NLGN1: variants seen among roughly 807,000 people sequenced by gnomAD.
The protein encoded by NLGN1 is neuroligin-1.
A neutral mutation model predicts 65.5 loss-of-function variants in NLGN1; 12 were observed. The ratio of observed to expected loss-of-function variants is 0.18; its 90% CI spans 0.12 to 0.30. The LOEUF is 0.30. Ranked by LOEUF, NLGN1 falls within the 10% of genes least tolerant of loss-of-function variation. NLGN1 has a pLI of 1.00. For synonymous variants in NLGN1, 350 were observed against 359.5 expected, an observed-to-expected ratio of 0.97 and a Z score of 0.30; for missense variants, 750 against 1,007.1, an observed-to-expected ratio of 0.74 and a Z score of 3.46.
At chr3:173,451,987 C>T (rs982576107) in intron 2 of NLGN1, among the ~76,000 whole-genome samples, 9 of 152,204 alleles carry the variant, frequency 5.9e-5, no homozygotes, top group Non-Finnish European at 1.2e-4. Flanking sequence ...AAAGGGAATT[C>T]CCTGACCCCT....
At chr3:174,053,016 C>G (rs144007071) in intron 4 of NLGN1, among the ~76,000 whole-genome samples, 154 of 152,136 alleles carry the variant, frequency 1.0e-3, no homozygotes, top group Non-Finnish European at 1.7e-3. Context: ...GTTATTTGCA[C>G]TCCATTCTTA....
intron 3 of NLGN1, among the ~76,000 whole-genome samples, chr3:173,754,024 C>CTTTTTTTTTTTTTTTT (rs71162358): frequency 4.9e-5 from 6 of 121,612 alleles, no homozygotes; most frequent in African/African-American, 9.1e-5. Flanking sequence ...TCTTTCTTTT[C>CTTTTTTTTTTTTTTTT]TTTTTTTTTT....
At chr3:173,626,799 G>A (rs375707284) in intron 3 of NLGN1, among the ~76,000 whole-genome samples, 56 of 151,874 alleles carry the variant, frequency 3.7e-4, no homozygotes, top group African/African-American at 1.3e-3. Context: ...CCTTTTCTTC[G>A]GGAGATTTAA....
At chr3:174,020,737 A>T (rs1349526415) in intron 4 of NLGN1, among the ~76,000 whole-genome samples, 1 of 152,142 alleles carries the variant, frequency 6.6e-6, no homozygotes, top group Admixed American at 6.6e-5. Flanking sequence ...TTTAGTGGTG[A>T]AGAAAAATCT....
At chr3:174,177,963 C>G (rs1210200457) in intron 4 of NLGN1, among the ~76,000 whole-genome samples, 1 of 151,968 alleles carries the variant, frequency 6.6e-6, no homozygotes, top group Admixed American at 6.6e-5. Flanking sequence ...GTTCCAGGGT[C>G]GGGTGTGAGA....
intron 4 of NLGN1, among the ~76,000 whole-genome samples, chr3:174,026,865 T>A (rs1728939400): frequency 6.6e-6 from 1 of 152,206 alleles, no homozygotes. Flanking sequence ...AATTTTATTC[T>A]CTTTTTATAT....
intron 2 of NLGN1, among the ~76,000 whole-genome samples, chr3:173,583,679 C>T (rs987892348): frequency 6.6e-6 from 1 of 152,188 alleles, no homozygotes; most frequent in African/African-American, 2.4e-5. Flanking sequence ...CTTGCATTGA[C>T]TCTTTCTCTG....
chr3:173,497,969 G>A (rs1233753477), intron 2 of NLGN1, among the ~76,000 whole-genome samples: 1 of 151,522 alleles, frequency 6.6e-6, no homozygotes, highest in Admixed American at 6.6e-5. Context: ...TTTTTATAAG[G>A]TTTTAGTTAT....
At chr3:173,997,397 A>G (rs552248864) in intron 4 of NLGN1, among the ~76,000 whole-genome samples, 6 of 152,144 alleles carry the variant, frequency 3.9e-5, no homozygotes, top group Non-Finnish European at 7.4e-5. Flanking sequence ...CAAATATTTC[A>G]AAACTCATTG....
intron 2 of NLGN1, among the ~76,000 whole-genome samples, chr3:173,447,649 G>A (rs915713033): frequency 3.9e-5 from 6 of 152,122 alleles, no homozygotes; most frequent in Admixed American, 1.3e-4. Flanking sequence ...ATTACCTTGG[G>A]CAGTATGGCC....
At position 173,849,322 on chromosome 3, in the gene NLGN1, A is replaced by G. The variant is rs189328124; in HGVS notation, c.646+41490A>G. Among the ~76,000 whole-genome samples the G allele has an allele frequency of 1.3e-3, 197 of 152,172 alleles. 1 individual carries two copies. Among genetic ancestry groups the G allele is most frequent in the African/African-American group, 4.5e-3 (189 of 41,540 alleles). On this transcript the variant is annotated intron_variant, in intron 4 of 6. Coordinates refer to ENST00000457714, the Ensembl canonical transcript of NLGN1. The stretch of plus-strand genomic sequence containing the variant: ...CACCTTTCTGTCTCTACTGAACTTT[A>G]TACACATCCTGGGATAAAATGTTTG...
intron 4 of NLGN1, among the ~76,000 whole-genome samples, chr3:174,265,137 G>T (rs1200110086): frequency 6.6e-6 from 1 of 151,666 alleles, no homozygotes; most frequent in African/African-American, 2.4e-5. Context: ...CTTTTTGTTT[G>T]TCTGTGCCCT....
At chr3:173,609,675 T>C (rs774872422) in intron 3 of NLGN1, among the ~76,000 whole-genome samples, 1 of 151,976 alleles carries the variant, frequency 6.6e-6, no homozygotes, top group Admixed American at 6.6e-5. Context: ...GTGCTGAGTA[T>C]TGCTCTAGGT....
intron 4 of NLGN1, among the ~76,000 whole-genome samples, chr3:173,809,240 C>CT (rs934992417): frequency 4.6e-5 from 7 of 152,104 alleles, no homozygotes; most frequent in African/African-American, 1.4e-4. Flanking sequence ...AGTGAAAACT[C>CT]TGTGTATTTA....
intron 4 of NLGN1, among the ~76,000 whole-genome samples, chr3:173,950,963 T>C (rs1579371486): frequency 6.6e-6 from 1 of 151,808 alleles, no homozygotes; most frequent in Non-Finnish European, 1.5e-5. Flanking sequence ...GTCTCCCGGG[T>C]TCAAGCGTTT....
Position 173,953,756 on chromosome 3 carries a change from C to A in NLGN1, c.646+145924C>A, listed in dbSNP as rs142239441. 2.6e-5 allele frequency among the ~76,000 whole-genome samples: 4 copies of A among 152,168 alleles called. No homozygotes were observed. The East Asian group carries it at 7.8e-4, about 30-fold the overall frequency. ...AAAAGGACTCAATATGTTGTCCAGG[C>A]TGGTCTTGAACTCCTGGACTCAAGC... On this transcript the variant is annotated intron_variant, in intron 4 of 6. Coordinates refer to ENST00000457714, the Ensembl canonical transcript of NLGN1.
At chr3:174,009,254 A>T (rs1438678231) in intron 4 of NLGN1, among the ~76,000 whole-genome samples, 1 of 152,154 alleles carries the variant, frequency 6.6e-6, no homozygotes, top group African/African-American at 2.4e-5. Flanking sequence ...TTACCTCCCC[A>T]AAACTTTACT....
chr3:173,936,535 G>T (rs139335050), intron 4 of NLGN1, among the ~76,000 whole-genome samples: 1 of 152,044 alleles, frequency 6.6e-6, no homozygotes, highest in Non-Finnish European at 1.5e-5. Flanking sequence ...ACCCTTGGAC[G>T]TTATTACTGC....
rs150493188 is a variant in NLGN1 at position 173,606,579 on chromosome 3, C to T, written c.493+1488C>T. On this transcript the variant is annotated intron_variant, in intron 3 of 6. Coordinates refer to ENST00000457714, the Ensembl canonical transcript of NLGN1. ...ACCAAGTCAGATTTCATTATAGCATCCTTGTGGGGCAGGGAATGTCTAAAC... is the reference window on the plus strand; with the variant it reads ...ACCAAGTCAGATTTCATTATAGCATTCTTGTGGGGCAGGGAATGTCTAAAC... 4.8e-3 allele frequency among the ~76,000 whole-genome samples: 724 copies of T among 152,078 alleles called. 2 individuals carry two copies. The highest frequency in any genetic ancestry group is 8.2e-3 in the Non-Finnish European group (559 of 67,958).
Sources: gnomAD v4.1 joint callset for allele counts (sites outside exome capture counted in the v4.1 genomes callset) on GRCh38, gnomAD v4.1.1 for gene constraint, MANE v1.5 for transcripts, NCBI Gene and HGNC (gene_info 2026-07-23, HGNC 2026-07-21) for gene names.